The following NRG3 variants were observed in gnomAD, a reference collection of about 807,000 sequenced individuals.
NRG3 encodes neuregulin 3.
Under a neutral mutation model 66.9 loss-of-function variants are expected in NRG3, and 31 were observed. The observed-to-expected ratio is 0.46, with a 90% confidence interval of 0.35 to 0.63. The LOEUF is 0.63. Among genes scored for constraint, NRG3 ranks in the 20% least tolerant of loss-of-function variants. NRG3 has a pLI of 0.00. For synonymous variants in NRG3, 393 were observed against 359.4 expected (o/e 1.09, Z -1.06); for missense variants, 910 against 878.9 (o/e 1.04, Z -0.45).
At chr10:81,877,125 C>T (rs1043237218) in intron 1 of NRG3, among the ~76,000 whole-genome samples, 1 of 152,136 alleles carries the variant, frequency 6.6e-6, no homozygotes. Flanking sequence ...TCAGTATGAG[C>T]CAGTATACCC....
At chr10:82,801,707 C>G (rs2061047246) in intron 3 of NRG3, among the ~76,000 whole-genome samples, 2 of 152,176 alleles carry the variant, frequency 1.3e-5, no homozygotes, top group South Asian at 4.1e-4. Context: ...CAGGGCTTAT[C>G]TTTCAAGACA....
At chr10:82,707,345 T>C (rs1232520974) in intron 2 of NRG3, among the ~76,000 whole-genome samples, 1 of 152,040 alleles carries the variant, frequency 6.6e-6, no homozygotes, top group African/African-American at 2.4e-5. Flanking sequence ...AGTACCTAGT[T>C]GTGGGCTGAG....
chr10:82,709,057 GT>G (rs2134370909), intron 2 of NRG3, among the ~76,000 whole-genome samples: 1 of 152,154 alleles, frequency 6.6e-6, no homozygotes, highest in South Asian at 2.1e-4. Context: ...AACTCATGAA[GT>G]CCCCCTCCAT....
At chr10:81,979,851 G>A (rs1476786890) in intron 1 of NRG3, among the ~76,000 whole-genome samples, 1 of 152,162 alleles carries the variant, frequency 6.6e-6, no homozygotes, top group Admixed American at 6.5e-5. Flanking sequence ...TTTAACCCAG[G>A]TTATAGTCAG....
At chr10:82,866,322 T>G (rs564769696) in intron 4 of NRG3, among the ~76,000 whole-genome samples, 15 of 152,320 alleles carry the variant, frequency 9.8e-5, no homozygotes, top group African/African-American at 3.4e-4. Context: ...TATACTTACT[T>G]GTATTAATTT....
chr10:82,974,680 A>T lies in NRG3; in HGVS notation c.1412+765A>T, dbSNP rs564577074. Among the ~76,000 whole-genome samples the T allele has an allele frequency of 5.9e-5, 9 of 152,360 alleles. No homozygotes were observed. In the South Asian group the frequency reaches 1.9e-3, roughly 32 times the overall value. On this transcript the variant is annotated intron_variant, in intron 7 of 8. Transcript: ENST00000372141. Reference sequence around the variant, plus strand: ...TTCTTAGTGAAATGTACAATATTTTACAATTTGAAAAAATTATGAAAAATT... The same window carrying T: ...TTCTTAGTGAAATGTACAATATTTTTCAATTTGAAAAAATTATGAAAAATT...
chr10:82,715,387 G>T lies in NRG3; in HGVS notation c.954-23190G>T, dbSNP rs190567545. Among the ~76,000 whole-genome samples, 12 of 152,208 alleles carry T rather than the reference G, an allele frequency of 7.9e-5. No individual in the cohort carries two copies. The East Asian group carries it at 2.3e-3, about 29-fold the overall frequency. Reference sequence around the variant, plus strand: ...ACTCCAACCTGGGTGACAAAGTCTTGGATGTGAATCTCAACTACTTTCAGT... The same window carrying T: ...ACTCCAACCTGGGTGACAAAGTCTTTGATGTGAATCTCAACTACTTTCAGT... On this transcript the variant is annotated intron_variant, in intron 2 of 8. Coordinates refer to ENST00000372141, the MANE Select transcript of NRG3 (RefSeq NM_001010848.4).
At chr10:82,350,409 C>T (rs1288014413) in intron 1 of NRG3, among the ~76,000 whole-genome samples, 1 of 152,090 alleles carries the variant, frequency 6.6e-6, no homozygotes, top group Admixed American at 6.5e-5. Flanking sequence ...CCCTAAGATC[C>T]CATAATCTAG....
At position 82,920,668 on chromosome 10, in the gene NRG3, G is replaced by A. The variant is rs1846338689; in HGVS notation, c.1055-30801G>A. ...AGTGGCTTATTCTAGGACTACAGCA[G>A]GGAATATACAAGATGAGCTGGAGCA... On this transcript the variant is annotated intron_variant, in intron 4 of 8. Coordinates refer to ENST00000372141, the MANE Select transcript of NRG3 (RefSeq NM_001010848.4). 4.6e-5 allele frequency among the ~76,000 whole-genome samples: 7 copies of A among 151,998 alleles called. 1 individual carries two copies. Among genetic ancestry groups the A allele is most frequent in the Admixed American group, 4.6e-4 (7 of 15,234 alleles).
intron 1 of NRG3, among the ~76,000 whole-genome samples, chr10:81,926,264 C>A (rs1246519891): frequency 6.6e-6 from 1 of 152,006 alleles, no homozygotes; most frequent in African/African-American, 2.4e-5. Flanking sequence ...ATTACAGGCA[C>A]CCGCAACCAT....
chr10:82,114,025 TTGTC>T (rs1392816696), intron 1 of NRG3, among the ~76,000 whole-genome samples: 5 of 152,316 alleles, frequency 3.3e-5, no homozygotes, highest in African/African-American at 7.2e-5. Flanking sequence ...CTAATCTACT[TTGTC>T]TGTCTATCAG....
chr10:82,744,673 T>C (rs2058569748), intron 3 of NRG3, among the ~76,000 whole-genome samples: 1 of 152,214 alleles, frequency 6.6e-6, no homozygotes, highest in Non-Finnish European at 1.5e-5. Flanking sequence ...GGACGTAATG[T>C]CTGCAAGATA....
chr10:81,938,639 G>GTGCA lies in NRG3; in HGVS notation c.823+62493_823+62496dup, dbSNP rs1012552152. Among the ~76,000 whole-genome samples, 24 of 151,792 alleles carry GTGCA rather than the reference G, an allele frequency of 1.6e-4. No individual in the cohort carries two copies. In the East Asian group the frequency reaches 2.3e-3, roughly 15 times the overall value. ...TGACAGTGTGTGTGTGTGTGTGTGT[G>GTGCA]TGCATGCATGCATGCATGCAAAAAT... is the stretch of plus-strand genomic sequence containing the variant. On this transcript the variant is annotated intron_variant, in intron 1 of 8. Coordinates refer to ENST00000372141, the MANE Select transcript of NRG3 (RefSeq NM_001010848.4).
chr10:82,481,435 C>G (rs1344994341), intron 2 of NRG3, among the ~76,000 whole-genome samples: 1 of 152,084 alleles, frequency 6.6e-6, no homozygotes, highest in African/African-American at 2.4e-5. Flanking sequence ...CTGGTATAGT[C>G]CCAGGTTTTA....
intron 2 of NRG3, among the ~76,000 whole-genome samples, chr10:82,487,802 C>A (rs867567965): frequency 4.7e-4 from 72 of 152,280 alleles, no homozygotes; most frequent in African/African-American, 1.6e-3. Flanking sequence ...TCATGAAAAT[C>A]TTGCATATTG....
At chr10:82,843,859 A>G (rs1333177325) in intron 3 of NRG3, among the ~76,000 whole-genome samples, 1 of 152,246 alleles carries the variant, frequency 6.6e-6, no homozygotes, top group East Asian at 1.9e-4. Context: ...AAGTAATGAT[A>G]AAAGCACAAT....
intron 6 of NRG3, among the ~76,000 whole-genome samples, chr10:82,962,168 G>A (rs1251733856): frequency 6.6e-6 from 1 of 152,170 alleles, no homozygotes; most frequent in South Asian, 2.1e-4. Context: ...TCCCTGAGAA[G>A]CATCTAGTCC....
At chr10:82,411,061 C>G (rs887963022) in intron 2 of NRG3, among the ~76,000 whole-genome samples, 8 of 152,050 alleles carry the variant, frequency 5.3e-5, no homozygotes, top group Non-Finnish European at 1.0e-4. Context: ...GGATTATAGG[C>G]ACCACCACCA....
In NRG3 at chr10:82,981,790, C is replaced by T. The variant is rs562892644; in HGVS notation, c.1583+2670C>T. On this transcript the variant is annotated intron_variant, in intron 8 of 8. Transcript: ENST00000372141. ...ATGGTAATGGCTCACAGAATTTGAA[C>T]TGTATCATGTCAGGAAAATCAAGCT... Among the ~76,000 whole-genome samples, 138 of 152,148 alleles carry T rather than the reference C, an allele frequency of 9.1e-4. 2 individuals are homozygous for T. The highest frequency in any genetic ancestry group is 2.4e-4 in the Non-Finnish European group (16 of 68,028).
Sources: gnomAD v4.1 joint callset for allele counts (sites outside exome capture counted in the v4.1 genomes callset) on GRCh38, gnomAD v4.1.1 for gene constraint, MANE v1.5 for transcripts, NCBI Gene and HGNC (gene_info 2026-07-23, HGNC 2026-07-21) for gene names.